Variants in MCTP1 observed in about 807,000 individuals in gnomAD.
MCTP1 encodes multiple C2 and transmembrane domain containing 1.
In MCTP1, 69 loss-of-function variants were observed where a neutral mutation model predicts 120.6. The ratio of observed to expected loss-of-function variants is 0.57; its 90% confidence interval spans 0.47 to 0.70. MCTP1 has a LOEUF of 0.70. Ranked by LOEUF, MCTP1 falls within the 30% of genes least tolerant of loss-of-function variation. The pLI is 0.00. For synonymous variants in MCTP1, 529 were observed against 493.1 expected (o/e 1.07, Z -0.96); for missense variants, 1,203 against 1,248.8 (o/e 0.96, Z 0.55).
chr5:94,859,337 C>T lies in MCTP1; in HGVS notation c.2436+8996G>A, dbSNP rs543026687. ...GACAGGGTAGAGCCAGAAGTTAACACATACAAAAGTATAGCTAGATAGGAG... is the reference window on the plus strand; with the variant it reads ...GACAGGGTAGAGCCAGAAGTTAACATATACAAAAGTATAGCTAGATAGGAG... On this transcript the variant is annotated intron_variant, in intron 17 of 22. Transcript: ENST00000515393. Among the ~76,000 whole-genome samples, 6 of 151,744 alleles carry T rather than the reference C, an allele frequency of 4.0e-5. No homozygotes were observed. The East Asian group carries it at 7.8e-4, about 20-fold the overall frequency.
chr5:95,137,633 T>C (rs1174679947), intron 1 of MCTP1, among the ~76,000 whole-genome samples: 1 of 152,234 alleles, frequency 6.6e-6, no homozygotes, highest in Non-Finnish European at 1.5e-5. Flanking sequence ...GTGGCACATT[T>C]GTGGAAATCT....
At chr5:94,969,193 A>G (rs1427448527) in intron 2 of MCTP1, among the ~76,000 whole-genome samples, 60 of 152,040 alleles carry the variant, frequency 3.9e-4, no homozygotes, top group Non-Finnish European at 4.4e-5. Flanking sequence ...TGCTATATTT[A>G]TTTATTTTTT....
At chr5:95,155,507 GA>G in intron 1 of MCTP1, among the ~76,000 whole-genome samples, 1 of 151,928 alleles carries the variant, frequency 6.6e-6, no homozygotes. Flanking sequence ...TAAGGTGGGT[GA>G]AAAAAGTTAT....
At chr5:94,841,222 C>A (rs748467317) in intron 17 of MCTP1, among the ~76,000 whole-genome samples, 1 of 152,080 alleles carries the variant, frequency 6.6e-6, no homozygotes, top group Non-Finnish European at 1.5e-5. Flanking sequence ...CAGAAAGGTG[C>A]CACTGAAAAT....
intron 19 of MCTP1, among the ~76,000 whole-genome samples, chr5:94,722,297 A>T (rs1294761074): frequency 6.6e-6 from 1 of 152,140 alleles, no homozygotes; most frequent in South Asian, 2.1e-4. Context: ...AGTGATAGAC[A>T]TCGGGGTGAA....
At chr5:94,851,359 C>G (rs1489072366) in intron 17 of MCTP1, among the ~76,000 whole-genome samples, 1 of 152,010 alleles carries the variant, frequency 6.6e-6, no homozygotes, top group Non-Finnish European at 1.5e-5. Flanking sequence ...ACTGCACATG[C>G]CACAAATGAG....
At chr5:95,165,126 T>A (rs1188043663) in intron 1 of MCTP1, among the ~76,000 whole-genome samples, 3 of 152,080 alleles carry the variant, frequency 2.0e-5, no homozygotes, top group African/African-American at 7.2e-5. Flanking sequence ...CCTTGCTGAG[T>A]GGTGACTTCC....
chr5:95,127,363 T>A (rs1758713515), intron 1 of MCTP1, among the ~76,000 whole-genome samples: 2 of 152,120 alleles, frequency 1.3e-5, no homozygotes, highest in African/African-American at 4.8e-5. Flanking sequence ...CTTCTACAAC[T>A]AAGGCACAGG....
At chr5:95,140,585 G>A (rs760134961) in intron 1 of MCTP1, among the ~76,000 whole-genome samples, 1 of 151,372 alleles carries the variant, frequency 6.6e-6, no homozygotes, top group East Asian at 1.9e-4. Context: ...ACGGCCGGGC[G>A]CGATGGCTCA....
intron 1 of MCTP1, chr5:95,081,679 G>A: frequency 2.3e-6 from 3 of 1,311,050 alleles, no homozygotes; most frequent in South Asian, 4.9e-5. Context: ...TTTAAATAAC[G>A]TAGCTTTAGA....
At chr5:95,053,532 A>G (rs1467427427) in intron 1 of MCTP1, among the ~76,000 whole-genome samples, 1 of 152,182 alleles carries the variant, frequency 6.6e-6, no homozygotes, top group South Asian at 2.1e-4. Context: ...TTCCACGACT[A>G]TTGAGAGACC....
chr5:94,946,651 C>T (rs1478363789), intron 3 of MCTP1, among the ~76,000 whole-genome samples: 1 of 152,138 alleles, frequency 6.6e-6, no homozygotes, highest in African/African-American at 2.4e-5. Flanking sequence ...AGGAAAACTC[C>T]TGATATGAAT....
At chr5:95,048,215 T>C (rs1466840953) in intron 1 of MCTP1, among the ~76,000 whole-genome samples, 2 of 152,172 alleles carry the variant, frequency 1.3e-5, no homozygotes, top group Non-Finnish European at 2.9e-5. Flanking sequence ...TTTTTAGCCA[T>C]TAGTTGAAAC....
At chr5:95,039,417 G>A (rs376787521) in intron 1 of MCTP1, among the ~76,000 whole-genome samples, 15 of 152,300 alleles carry the variant, frequency 9.8e-5, no homozygotes, top group African/African-American at 2.4e-4. Flanking sequence ...AAGTGTGTGC[G>A]AAAAGTGTGT....
intron 1 of MCTP1, among the ~76,000 whole-genome samples, chr5:95,056,797 C>T (rs1747502257): frequency 6.6e-6 from 1 of 152,088 alleles, no homozygotes; most frequent in Non-Finnish European, 1.5e-5. Flanking sequence ...GGAAGTACCA[C>T]TTTCTAAATT....
At position 94,704,081 on chromosome 5, in the gene MCTP1, T is replaced by A. The variant is rs1350145534; in HGVS notation, c.*3415A>T. On this transcript the variant is annotated 3_prime_UTR_variant, in exon 23 of 23. Coordinates refer to ENST00000515393, the MANE Select transcript of MCTP1 (RefSeq NM_024717.7). ...TTATAATTGAAAGGAATGACACTAT[T>A]GTAAGAAAGAATTTACCACATTATT... The A allele has an allele frequency of 2.0e-5, 3 of 151,580 alleles. No individual in the cohort carries two copies. Among genetic ancestry groups the A allele is most frequent in the Admixed American group, 1.3e-4 (2 of 15,170 alleles). The allele number at this position is 151,580 out of a possible 1,614,324, so 9.4% of individuals were successfully genotyped here.
chr5:94,797,669 A>T (rs139804795), intron 18 of MCTP1, among the ~76,000 whole-genome samples: 2 of 152,202 alleles, frequency 1.3e-5, no homozygotes, highest in Non-Finnish European at 1.5e-5. Context: ...TTGGTTTGAT[A>T]TACATTACAA....
intron 1 of MCTP1, among the ~76,000 whole-genome samples, chr5:95,023,217 G>A (rs1838542590): frequency 6.6e-6 from 1 of 152,170 alleles, no homozygotes; most frequent in Non-Finnish European, 1.5e-5. Flanking sequence ...TGCCTTACAT[G>A]TTTTATGCTC....
intron 16 of MCTP1, among the ~76,000 whole-genome samples, chr5:94,869,240 A>C (rs1174445493): frequency 1.3e-5 from 2 of 152,080 alleles, no homozygotes; most frequent in Non-Finnish European, 2.9e-5. Context: ...TAGAATAATT[A>C]TATGTCTGCA....
Sources: gnomAD v4.1 joint callset for allele counts (sites outside exome capture counted in the v4.1 genomes callset) on GRCh38, gnomAD v4.1.1 for gene constraint, MANE v1.5 for transcripts, NCBI Gene and HGNC (gene_info 2026-07-23, HGNC 2026-07-21) for gene names.